Variants in SLC4A10 observed in about 807,000 individuals in gnomAD.
SLC4A10 encodes the protein sodium-driven chloride bicarbonate exchanger.
Under a neutral mutation model 137.7 loss-of-function variants are expected in SLC4A10, and 42 were observed. That is an observed-to-expected ratio of 0.30 (90% CI 0.24 to 0.39). The LOEUF (loss-of-function observed/expected upper bound fraction) is 0.39, where lower values mean the gene tolerates loss of function less well. Ranked by LOEUF, SLC4A10 falls within the 10% of genes least tolerant of loss-of-function variation. SLC4A10 has a pLI of 1.00. For synonymous variants in SLC4A10, 474 were observed against 464.1 expected, an observed-to-expected ratio of 1.02 and a Z score of -0.27; for missense variants, 925 against 1,355.0, an observed-to-expected ratio of 0.68 and a Z score of 4.98.
At chr2:161,651,644 C>T (rs1015177605) in intron 1 of SLC4A10, among the ~76,000 whole-genome samples, 13 of 152,170 alleles carry the variant, frequency 8.5e-5, no homozygotes, top group African/African-American at 1.7e-4. Flanking sequence ...TGTGGGTGCC[C>T]GCAGCAGAGG....
chr2:161,808,017 G>A lies in SLC4A10; in HGVS notation c.277+3422G>A, dbSNP rs140211743. On this transcript the variant is annotated intron_variant, in intron 3 of 26. Coordinates refer to ENST00000446997, the MANE Select transcript of SLC4A10 (RefSeq NM_001178015.2). ...TCTATTGTTGCTCTACAGTTAATTT[G>A]GATTTTATATTTTTATGAATTTAAA... Among the ~76,000 whole-genome samples the A allele has an allele frequency of 2.0e-5, 3 of 151,850 alleles. No individual in the cohort carries two copies. In the East Asian group the frequency reaches 5.8e-4, roughly 29 times the overall value.
intron 1 of SLC4A10, among the ~76,000 whole-genome samples, chr2:161,663,958 C>T (rs1320462972): frequency 6.6e-6 from 1 of 151,936 alleles, no homozygotes; most frequent in Admixed American, 6.6e-5. Flanking sequence ...TTGTTTTCCT[C>T]CTGCCAAGAA....
At chr2:161,661,076 TA>T (rs2038325442) in intron 1 of SLC4A10, among the ~76,000 whole-genome samples, 1 of 152,220 alleles carries the variant, frequency 6.6e-6, no homozygotes, top group Non-Finnish European at 1.5e-5. Context: ...TAACGATTTT[TA>T]ATTTATATCA....
chr2:161,744,595 A>AT (rs927442057), intron 1 of SLC4A10, among the ~76,000 whole-genome samples: 3 of 152,118 alleles, frequency 2.0e-5, no homozygotes, highest in Non-Finnish European at 4.4e-5. Context: ...CTGTTGTAGG[A>AT]TTTTTTATTT....
At position 161,901,027 on chromosome 2, in the gene SLC4A10, T is replaced by A; in HGVS notation, c.1442+16T>A. On this transcript the variant is annotated intron_variant, in intron 12 of 26. Transcript: ENST00000446997. ...GAACTGGAAGGTTAGTGAAAATCAC[T>A]TCTATGGGACTTCAAGGACCAAATG... 6.5e-7 allele frequency: 1 copy of A among 1,531,210 alleles called. No homozygotes were observed. Among genetic ancestry groups the A allele is most frequent in the Non-Finnish European group, 8.9e-7 (1 of 1,127,126 alleles). The allele number at this position is 1,531,210 out of a possible 1,614,324, so 94.9% of individuals were successfully genotyped here.
At chr2:161,826,038 G>A (rs916874680) in intron 3 of SLC4A10, among the ~76,000 whole-genome samples, 2 of 152,020 alleles carry the variant, frequency 1.3e-5, no homozygotes, top group African/African-American at 4.8e-5. Flanking sequence ...TTACTAATTA[G>A]AATTGATAAT....
intron 3 of SLC4A10, among the ~76,000 whole-genome samples, chr2:161,807,368 A>C (rs927917346): frequency 6.6e-6 from 1 of 152,168 alleles, no homozygotes; most frequent in African/African-American, 2.4e-5. Flanking sequence ...GCCCATGTAC[A>C]TGACATAACT....
intron 23 of SLC4A10, 76 bp from the exon 24 acceptor site, chr2:161,974,170 CATT>C (rs1699009352): frequency 2.5e-6 from 3 of 1,206,166 alleles, no homozygotes; most frequent in Non-Finnish European, 3.5e-6. Context: ...GATAATGAAA[CATT>C]AATCTGTGTT....
At chr2:161,707,672 GT>G (rs2043836237) in intron 1 of SLC4A10, among the ~76,000 whole-genome samples, 1 of 151,420 alleles carries the variant, frequency 6.6e-6, no homozygotes, top group African/African-American at 2.4e-5. Context: ...AAAATCCATA[GT>G]AAAAATGCCA....
chr2:161,879,403 C>T (rs2061624148), intron 9 of SLC4A10, 115 bp downstream of exon 9: 1 of 1,073,306 alleles, frequency 9.3e-7, no homozygotes. Context: ...AATGTGAAAT[C>T]CACAAAACTA....
intron 1 of SLC4A10, among the ~76,000 whole-genome samples, chr2:161,720,423 T>C (rs1273505980): frequency 6.6e-6 from 1 of 152,206 alleles, no homozygotes; most frequent in Non-Finnish European, 1.5e-5. Flanking sequence ...TTTTTTCCAA[T>C]TCTGTGAAGA....
At chr2:161,873,530 CAAAAAAAAA>C (rs759717096) in intron 7 of SLC4A10, among the ~76,000 whole-genome samples, 5 of 17,336 alleles carry the variant, frequency 2.9e-4, no homozygotes, top group African/African-American at 9.7e-4. Flanking sequence ...GACCACATCT[CAAAAAAAAA>C]AAAAAAAAAA....
chr2:161,752,580 C>A (rs1470619054), intron 1 of SLC4A10, among the ~76,000 whole-genome samples: 1 of 151,798 alleles, frequency 6.6e-6, no homozygotes. Flanking sequence ...TCATAATAGC[C>A]AGGATATAAA....
At chr2:161,687,804 TC>T (rs2041597918) in intron 1 of SLC4A10, among the ~76,000 whole-genome samples, 1 of 152,172 alleles carries the variant, frequency 6.6e-6, no homozygotes. Context: ...GTCTGGCATT[TC>T]CCCTGCTGGC....
intron 4 of SLC4A10, among the ~76,000 whole-genome samples, chr2:161,845,266 C>G (rs1457084002): frequency 6.6e-6 from 1 of 152,102 alleles, no homozygotes; most frequent in Non-Finnish European, 1.5e-5. Context: ...TTAATAGTCT[C>G]TTTAACAATA....
At chr2:161,967,802 G>A (rs1697865204) in intron 23 of SLC4A10, among the ~76,000 whole-genome samples, 1 of 152,020 alleles carries the variant, frequency 6.6e-6, no homozygotes, top group Non-Finnish European at 1.5e-5. Context: ...ATATCAATTA[G>A]CCTATGGTAA....
chr2:161,915,987 C>A (rs1026980115), intron 15 of SLC4A10, among the ~76,000 whole-genome samples: 2 of 152,088 alleles, frequency 1.3e-5, no homozygotes, highest in Non-Finnish European at 1.5e-5. Context: ...TATTTCCAAA[C>A]TTATAGAAGA....
chr2:161,980,576 G>T (rs1483271573), intron 26 of SLC4A10, among the ~76,000 whole-genome samples: 4 of 152,076 alleles, frequency 2.6e-5, no homozygotes, highest in Non-Finnish European at 5.9e-5. Flanking sequence ...TTCAACCTGC[G>T]ACGTGGAGGT....
intron 15 of SLC4A10, among the ~76,000 whole-genome samples, chr2:161,920,113 C>T (rs971091388): frequency 3.3e-5 from 5 of 152,222 alleles, no homozygotes; most frequent in African/African-American, 1.2e-4. Flanking sequence ...TTATGCACCC[C>T]TCACCTCTGT....
Sources: allele counts gnomAD v4.1 joint callset (sites outside exome capture counted in the v4.1 genomes callset), GRCh38; gene constraint gnomAD v4.1.1; transcripts MANE v1.5; gene names NCBI Gene and HGNC (gene_info 2026-07-23, HGNC 2026-07-21).